LPIN2: variants seen among roughly 807,000 people sequenced by gnomAD.
LPIN2 encodes the protein phosphatidate phosphatase LPIN2.
LPIN2 carries 55 observed loss-of-function variants against 111.4 expected under a neutral mutation model. The observed-to-expected ratio is 0.49, with a 90% confidence interval of 0.40 to 0.62. The LOEUF (loss-of-function observed/expected upper bound fraction) is 0.62. LPIN2 is among the 20% of genes least tolerant of loss of function. The probability of loss-of-function intolerance (pLI) is 0.00; values close to 1 mark genes in which losing one functional copy is unlikely to be tolerated. For missense variants in LPIN2, 992 were observed against 1,112.1 expected (o/e 0.89, Z 1.54); for synonymous variants, 425 against 414.0 (o/e 1.03, Z -0.32).
At chr18:3,012,328 A>G (rs2078617866) in intron 1 of LPIN2, among the ~76,000 whole-genome samples, 1 of 152,232 alleles carries the variant, frequency 6.6e-6, no homozygotes, top group African/African-American at 2.4e-5. Flanking sequence ...TGGTTTGCAT[A>G]ATTATGCCTA....
At chr18:2,993,182 A>G (rs1255339397) in intron 1 of LPIN2, among the ~76,000 whole-genome samples, 2 of 151,940 alleles carry the variant, frequency 1.3e-5, no homozygotes, top group East Asian at 1.9e-4. Flanking sequence ...GAAGGAAAAA[A>G]GAAGAAAGGA....
chr18:2,992,538 A>T (rs941281642), intron 1 of LPIN2, among the ~76,000 whole-genome samples: 1 of 152,150 alleles, frequency 6.6e-6, no homozygotes, highest in Non-Finnish European at 1.5e-5. Flanking sequence ...AAATGGTTGA[A>T]TCTTACTACA....
intron 1 of LPIN2, 134 bp from the exon 2 acceptor site, chr18:2,960,983 A>G: frequency 1.3e-6 from 1 of 758,828 alleles, no homozygotes. Flanking sequence ...ATTAATTTTC[A>G]ACCTAACAGT....
In LPIN2 at chr18:2,937,849, G is replaced by C. The variant is rs375422942; in HGVS notation, c.1011C>G (p.Ser337Arg). 6.8e-6 allele frequency: 11 copies of C among 1,614,096 alleles called. No individual in the cohort carries two copies. The South Asian group carries it at 9.9e-5, about 14-fold the overall frequency. Reference protein sequence around the residue: ...PKPRALGTQMSDPTSVAELLE... With the variant: ...PKPRALGTQMRDPTSVAELLE... ...GAAGCTCTGCCACAGATGTTGGGTCGCTCATCTGTGTACCCAGGGCTCTGG... is the reference window on the plus strand; with the variant it reads ...GAAGCTCTGCCACAGATGTTGGGTCCCTCATCTGTGTACCCAGGGCTCTGG... Residue 337 changes from serine (S) to arginine (R), a missense_variant, in exon 7 of 20, where the codon AGC becomes AGG. By Grantham distance (110) the Ser-to-Arg change is moderately radical. Around this residue, in one of 4 missense-constraint regions of LPIN2, gnomAD observed 709 missense variants for 753.2 expected, o/e 0.94. Coordinates refer to ENST00000677752, the MANE Select transcript of LPIN2 (RefSeq NM_001375808.2).
chr18:2,981,903 T>G (rs987096425), intron 1 of LPIN2, among the ~76,000 whole-genome samples: 2 of 152,238 alleles, frequency 1.3e-5, no homozygotes, highest in Non-Finnish European at 1.5e-5. Flanking sequence ...TATGCTTGTT[T>G]TCATAAAAAT....
At chr18:3,011,794 T>G (rs2078608785) in intron 1 of LPIN2, 1 of 152,260 alleles carries the variant, frequency 6.6e-6, no homozygotes, top group African/African-American at 2.4e-5. Flanking sequence ...ACTGTTCTTT[T>G]TCTTCTCTGG....
In LPIN2 at chr18:2,931,431, G is replaced by T; in HGVS notation, c.1281C>A (p.Pro427=). The T allele has an allele frequency of 6.3e-7, 1 of 1,590,254 alleles. No homozygotes were observed. Among genetic ancestry groups the T allele is most frequent in the Non-Finnish European group, 8.6e-7 (1 of 1,168,078 alleles). ...CAGACTCGGGCCACTGCCTGGAACC[G>T]GGCTCCGATTCACTGTGGACAGGGG... ...ALYFPKSESE[P]GSRQWPESDT... The change falls in exon 9 of 20, where the codon CCC becomes CCA. Residue 427 remains proline (P), a synonymous_variant. Coordinates refer to ENST00000677752, the MANE Select transcript of LPIN2 (RefSeq NM_001375808.2).
intron 2 of LPIN2, among the ~76,000 whole-genome samples, chr18:2,959,648 C>T (rs1335697785): frequency 2.0e-5 from 3 of 152,202 alleles, no homozygotes; most frequent in Non-Finnish European, 4.4e-5. Flanking sequence ...CTTCCAGCTG[C>T]TCCATAACCT....
rs1285146163 is a variant in LPIN2 at position 2,960,946 on chromosome 18, T to C, written c.-9-97A>G. ...TAACAAAAATGACACTACTCACTTGTATGCCAGATTTCATATCATTAGCCT... is the reference window on the plus strand; with the variant it reads ...TAACAAAAATGACACTACTCACTTGCATGCCAGATTTCATATCATTAGCCT... On this transcript the variant is annotated intron_variant, in intron 1 of 19. Transcript: ENST00000677752. The C allele has an allele frequency of 5.3e-6, 5 of 949,634 alleles. No individual in the cohort carries two copies. The Admixed American group carries it at 8.1e-5, about 15-fold the overall frequency. The allele number at this position is 949,634 out of a possible 1,614,324, so 58.8% of individuals were successfully genotyped here. A position where few individuals can be genotyped will look rare whatever the true frequency, so the allele number is the denominator to read the frequency against.
At chr18:2,980,519 T>C (rs372663327) in intron 1 of LPIN2, among the ~76,000 whole-genome samples, 8 of 152,220 alleles carry the variant, frequency 5.3e-5, no homozygotes, top group Admixed American at 2.6e-4. Context: ...CGCTGCCTCG[T>C]ATCATGTGCC....
intron 15 of LPIN2, 35 bp from the exon 16 acceptor site, chr18:2,923,896 G>C (rs372021550): frequency 1.3e-5 from 20 of 1,544,828 alleles, no homozygotes; most frequent in Non-Finnish European, 1.7e-5. Flanking sequence ...AAGCTATCAG[G>C]AATCAAACAC....
chr18:2,928,160 C>T (rs545337991), intron 11 of LPIN2, among the ~76,000 whole-genome samples: 1 of 152,262 alleles, frequency 6.6e-6, no homozygotes, highest in South Asian at 2.1e-4. Flanking sequence ...AGATTAAAAA[C>T]CAATTGTGAG....
chr18:2,936,789 A>G (rs2077292195), intron 7 of LPIN2, among the ~76,000 whole-genome samples: 1 of 152,134 alleles, frequency 6.6e-6, no homozygotes, highest in Non-Finnish European at 1.5e-5. Context: ...TATGTTGCCC[A>G]GGCTGATCTC....
chr18:2,983,601 G>T (rs188558211), intron 1 of LPIN2, among the ~76,000 whole-genome samples: 1 of 152,078 alleles, frequency 6.6e-6, no homozygotes, highest in South Asian at 2.1e-4. Flanking sequence ...CATTAGCCAC[G>T]TGTGGCTACT....
At chr18:2,972,968 TAGAG>T (rs1180614997) in intron 1 of LPIN2, among the ~76,000 whole-genome samples, 1 of 152,122 alleles carries the variant, frequency 6.6e-6, no homozygotes, top group Non-Finnish European at 1.5e-5. Flanking sequence ...GACTGGCAAA[TAGAG>T]AGAAATGCAA....
intron 4 of LPIN2, among the ~76,000 whole-genome samples, chr18:2,942,958 T>C (rs757845154): frequency 6.6e-6 from 1 of 152,216 alleles, no homozygotes; most frequent in Non-Finnish European, 1.5e-5. Flanking sequence ...AAACGGTGAC[T>C]TTCAGTCAGG....
chr18:2,959,285 A>G (rs2143187525), intron 2 of LPIN2, among the ~76,000 whole-genome samples: 1 of 152,344 alleles, frequency 6.6e-6, no homozygotes, highest in Non-Finnish European at 1.5e-5. Context: ...CTGGAGGAAA[A>G]AAAGAAAAAG....
At chr18:2,956,909 T>C (rs1017305018) in intron 2 of LPIN2, among the ~76,000 whole-genome samples, 20 of 152,226 alleles carry the variant, frequency 1.3e-4, no homozygotes, top group Non-Finnish European at 2.9e-4. Context: ...TAAAAGAATA[T>C]GCTGTGAACT....
chr18:2,959,542 T>A (rs1403455849), intron 2 of LPIN2, among the ~76,000 whole-genome samples: 1 of 152,226 alleles, frequency 6.6e-6, no homozygotes, highest in African/African-American at 2.4e-5. Context: ...AAGTAGATAC[T>A]GCGAGGCAAG....
Sources: allele counts gnomAD v4.1 joint callset (sites outside exome capture counted in the v4.1 genomes callset), GRCh38; gene constraint gnomAD v4.1.1; regional missense constraint gnomAD v4.1.1; transcripts MANE v1.5; gene names NCBI Gene and HGNC (gene_info 2026-07-23, HGNC 2026-07-21).